The following TERB1 variants were observed in gnomAD, a reference collection of about 807,000 sequenced individuals.
The protein encoded by TERB1 is telomere repeat binding bouquet formation protein 1.
In TERB1, 63 loss-of-function variants were observed where a neutral mutation model predicts 92.3. That is an observed-to-expected ratio of 0.68 (90% CI 0.56 to 0.84). The LOEUF is 0.84. Among genes scored for constraint, TERB1 ranks in the 40% least tolerant of loss-of-function variants. The pLI is 0.00. For missense variants in TERB1, 709 were observed against 843.7 expected (o/e 0.84, Z 1.98); for synonymous variants, 252 against 283.9 (o/e 0.89, Z 1.13).
rs1290678748 is a variant in TERB1, at chr16:66,778,033, A to G, written c.854-699T>C. ...ATAACCACTTTTTAAAAAACCATCT[A>G]TTTTTTGCTCCCTAGTTGTTTGTGA... On this transcript the variant is annotated intron_variant, in intron 10 of 18. Coordinates refer to ENST00000433154, the MANE Select transcript of TERB1 (RefSeq NM_001136505.2). Among the ~76,000 whole-genome samples the G allele has an allele frequency of 2.6e-5, 4 of 151,918 alleles. No individual in the cohort carries two copies. In the East Asian group the frequency reaches 7.7e-4, roughly 29 times the overall value.
At chr16:66,786,910 C>T (rs2018737838) in intron 6 of TERB1, among the ~76,000 whole-genome samples, 1 of 152,162 alleles carries the variant, frequency 6.6e-6, no homozygotes, top group African/African-American at 2.4e-5. Context: ...GGGCCTTGAG[C>T]CCTACAACCA....
chr16:66,791,025 G>A lies in TERB1; in HGVS notation c.32-6C>T. On this transcript the variant is annotated splice_region_variant and splice_polypyrimidine_tract_variant and intron_variant, in intron 3 of 18. Transcript: ENST00000433154. ...GTTCAGGTCAGTCTTCATTTCTAAA[G>A]AACAAAAATGTCATTATTTTAAACC... is the stretch of plus-strand genomic sequence containing the variant. 7.0e-7 allele frequency: 1 copy of A among 1,433,378 alleles called. No individual in the cohort carries two copies. 88.8% of individuals were successfully genotyped at this position (1,433,378 alleles called of 1,614,324 possible). A position where few individuals can be genotyped will look rare whatever the true frequency, so the allele number is the denominator to read the frequency against.
In TERB1 at chr16:66,790,708, T is replaced by C. The variant is rs1192708010; in HGVS notation, c.158A>G (p.Tyr53Cys). The C allele has an allele frequency of 1.3e-6, 2 of 1,550,768 alleles. No individual in the cohort carries two copies. The highest frequency in any genetic ancestry group is 8.7e-7 in the Non-Finnish European group (1 of 1,146,570). The change falls in exon 5 of 19, where the codon TAT (tyrosine) becomes TGT (cysteine). Residue 53 changes from tyrosine to cysteine, a missense_variant. Physicochemically the swap from Tyr to Cys is radical, Grantham distance 194 (BLOSUM62 -2). Coordinates refer to ENST00000433154, the MANE Select transcript of TERB1 (RefSeq NM_001136505.2). ...CATCAAACCACCAATTTCCCGAAAA[T>C]AAACACTTGCATTACCTGTAGGATG... is the stretch of plus-strand genomic sequence containing the variant. ...ICQQNSNASV[Y>C]FREIGGLMFV...
At chr16:66,785,665 A>C (rs1334832873) in intron 9 of TERB1, 121 bp downstream of exon 9, 1 of 1,027,336 alleles carries the variant, frequency 9.7e-7, no homozygotes, top group East Asian at 2.7e-5. Context: ...TAAGAGTCTA[A>C]ATACATCCAA....
chr16:66,789,916 G>T (rs1164376503), intron 5 of TERB1, among the ~76,000 whole-genome samples: 1 of 151,956 alleles, frequency 6.6e-6, no homozygotes, highest in Non-Finnish European at 1.5e-5. Flanking sequence ...TCACCATGTT[G>T]TCCAGGCTGG....
At chr16:66,771,856 T>G (rs1254043301) in intron 13 of TERB1, among the ~76,000 whole-genome samples, 5 of 152,220 alleles carry the variant, frequency 3.3e-5, no homozygotes, top group Admixed American at 1.3e-4. Context: ...GGACACTATG[T>G]TTTGATTTTT....
rs138973761 is a variant in TERB1, at chr16:66,768,832, G to A, written c.1620-664C>T. 2.6e-3 allele frequency among the ~76,000 whole-genome samples: 403 copies of A among 152,242 alleles called. 2 individuals carry two copies. Among genetic ancestry groups the A allele is most frequent in the African/African-American group, 9.2e-3 (382 of 41,552 alleles). ...AATATGGCTAACCCTAGCCGGGTGC[G>A]GTGGTTCACGCCTGTAATCCCAGCA... On this transcript the variant is annotated intron_variant, in intron 14 of 18. Coordinates refer to ENST00000433154, the MANE Select transcript of TERB1 (RefSeq NM_001136505.2).
intron 6 of TERB1, among the ~76,000 whole-genome samples, chr16:66,787,283 CT>C (rs58213946): frequency 0.28 from 38,797 of 137,740 alleles, 5,396 homozygotes; most frequent in East Asian, 0.57. Context: ...TTTTCTTTTT[CT>C]TTTTTTTTTT....
In TERB1 at chr16:66,771,383, C is replaced by T. The variant is rs542942944; in HGVS notation, c.1273-1074G>A. Among the ~76,000 whole-genome samples, 3 of 152,246 alleles carry T rather than the reference C, an allele frequency of 2.0e-5. No individual in the cohort carries two copies. The East Asian group carries it at 5.8e-4, about 29-fold the overall frequency. ...CTGTGGTGAAACAATTTGACAGTAT[C>T]TTTCATAACAAAAACTATGTCTATC... On this transcript the variant is annotated intron_variant, in intron 13 of 18. Transcript: ENST00000433154.
At chr16:66,787,135 G>T (rs1243665407) in intron 6 of TERB1, among the ~76,000 whole-genome samples, 1 of 152,026 alleles carries the variant, frequency 6.6e-6, no homozygotes. Context: ...GTCTCGCTCT[G>T]TCACTCAGGC....
chr16:66,778,887 C>T lies in TERB1; in HGVS notation c.829G>A (p.Val277Met). Residue 277 changes from valine to methionine, a missense_variant, in exon 10 of 19, where the codon GTG becomes ATG. Physicochemically the swap from Val to Met is conservative, Grantham distance 21. Transcript: ENST00000433154. ...CGATTATCAGCAATGCATGCATCCA[C>T]AGTCTTCGTCACAACCACTGCAAGT... Reference protein sequence around the residue: ...AKLAVVVTKTVDACIADNPTF... With the variant: ...AKLAVVVTKTMDACIADNPTF... 1 of 1,513,586 alleles carries T rather than the reference C, an allele frequency of 6.6e-7. No individual in the cohort carries two copies. Among genetic ancestry groups the T allele is most frequent in the South Asian group, 1.3e-5 (1 of 79,980 alleles). 93.8% of individuals were successfully genotyped at this position (1,513,586 alleles called of 1,614,324 possible). A position where few individuals can be genotyped will look rare whatever the true frequency, so the allele number is the denominator to read the frequency against.
intron 3 of TERB1, among the ~76,000 whole-genome samples, chr16:66,795,563 A>G (rs1216824615): frequency 3.3e-5 from 5 of 152,170 alleles, no homozygotes; most frequent in African/African-American, 1.2e-4. Flanking sequence ...TTAAAATGGA[A>G]GAGAGTGAGG....
chr16:66,777,087 G>A, intron 11 of TERB1, 116 bp downstream of exon 11: 1 of 958,058 alleles, frequency 1.0e-6, no homozygotes, highest in Non-Finnish European at 1.5e-6. Flanking sequence ...AGGTCTGAAT[G>A]ACTAGGAGAA....
At chr16:66,795,191 A>G (rs533515204) in intron 3 of TERB1, among the ~76,000 whole-genome samples, 3 of 152,328 alleles carry the variant, frequency 2.0e-5, no homozygotes, top group Non-Finnish European at 2.9e-5. Context: ...ATTGCCAATA[A>G]GTATATGAAA....
intron 3 of TERB1, among the ~76,000 whole-genome samples, chr16:66,796,044 C>T (rs779591956): frequency 7.2e-5 from 11 of 152,186 alleles, no homozygotes; most frequent in African/African-American, 1.4e-4. Flanking sequence ...CCACCACACC[C>T]GGCTGATCAT....
rs374037813 is a variant in TERB1, at chr16:66,758,873, G to A, written c.1931-35C>T. ...ATGGAAAACATTTAGCACATTTAGC[G>A]TATCAATCTGAGTAATAGCATATCA... On this transcript the variant is annotated intron_variant, in intron 17 of 18. Transcript: ENST00000433154. 184 of 1,338,428 alleles carry A rather than the reference G, an allele frequency of 1.4e-4. No individual in the cohort carries two copies. The African/African-American group carries it at 2.0e-3, about 15-fold the overall frequency. 82.9% of individuals were successfully genotyped at this position (1,338,428 alleles called of 1,614,324 possible).
intron 2 of TERB1, among the ~76,000 whole-genome samples, chr16:66,798,305 G>A (rs1031776323): frequency 3.3e-5 from 5 of 151,510 alleles, no homozygotes; most frequent in Non-Finnish European, 4.4e-5. Context: ...TCAGCATTCC[G>A]AGTAGCTGAG....
chr16:66,761,273 A>G (rs1597008256), intron 16 of TERB1, among the ~76,000 whole-genome samples: 1 of 144,126 alleles, frequency 6.9e-6, no homozygotes, highest in East Asian at 2.1e-4. Context: ...CCAACATGAC[A>G]AAACCCCGTC....
chr16:66,762,984 C>T (rs1190568374), intron 16 of TERB1, among the ~76,000 whole-genome samples: 1 of 151,960 alleles, frequency 6.6e-6, no homozygotes. Context: ...CACACCCGGC[C>T]AGGACTCCTT....
Sources: gnomAD v4.1 joint callset for allele counts (sites outside exome capture counted in the v4.1 genomes callset) on GRCh38, gnomAD v4.1.1 for gene constraint, MANE v1.5 for transcripts, NCBI Gene and HGNC (gene_info 2026-07-23, HGNC 2026-07-21) for gene names.